NKAIN2: variants seen among roughly 807,000 people sequenced by gnomAD.
NKAIN2 encodes sodium/potassium-transporting ATPase subunit beta-1-interacting protein 2.
NKAIN2 carries 14 observed loss-of-function variants against 32.6 expected under a neutral mutation model. The observed-to-expected ratio is 0.43, with a 90% confidence interval of 0.28 to 0.67. The LOEUF is 0.67. NKAIN2 is among the 30% of genes least tolerant of loss of function. The probability of loss-of-function intolerance (pLI) is 0.17; values close to 1 mark genes in which losing one functional copy is unlikely to be tolerated. For synonymous variants in NKAIN2, 80 were observed against 87.2 expected (o/e 0.92, Z 0.46); for missense variants, 198 against 258.3 (o/e 0.77, Z 1.60).
chr6:124,591,131 A>G (rs1316692429), intron 3 of NKAIN2, among the ~76,000 whole-genome samples: 1 of 152,238 alleles, frequency 6.6e-6, no homozygotes, highest in Non-Finnish European at 1.5e-5. Context: ...AGGAAATTCT[A>G]GAGAAGTCAA....
chr6:123,898,917 C>A (rs1383058690), intron 1 of NKAIN2, among the ~76,000 whole-genome samples: 1 of 152,220 alleles, frequency 6.6e-6, no homozygotes, highest in Non-Finnish European at 1.5e-5. Flanking sequence ...CTTCTCTCAA[C>A]TGCCTTCATA....
intron 1 of NKAIN2, among the ~76,000 whole-genome samples, chr6:123,899,877 A>G (rs943399272): frequency 6.6e-6 from 1 of 152,090 alleles, no homozygotes; most frequent in African/African-American, 2.4e-5. Context: ...TCCCTTCAGT[A>G]TGAGTCCTGG....
At chr6:124,005,175 A>G (rs1002606366) in intron 1 of NKAIN2, among the ~76,000 whole-genome samples, 3 of 152,158 alleles carry the variant, frequency 2.0e-5, no homozygotes, top group Non-Finnish European at 4.4e-5. Context: ...CAGTGAGCCG[A>G]GATCTCGCCA....
At chr6:124,114,081 C>A (rs556217143) in intron 1 of NKAIN2, among the ~76,000 whole-genome samples, 1 of 152,234 alleles carries the variant, frequency 6.6e-6, no homozygotes, top group East Asian at 1.9e-4. Flanking sequence ...TCCAGTTTTT[C>A]AAAATGTTTG....
Position 123,825,908 on chromosome 6 carries a change from C to T in NKAIN2, c.54+21654C>T, listed in dbSNP as rs75096582. Among the ~76,000 whole-genome samples the T allele has an allele frequency of 7.0e-3, 1,066 of 152,218 alleles. 11 individuals are homozygous for T. The highest frequency in any genetic ancestry group is 0.025 in the African/African-American group (1,027 of 41,526). On this transcript the variant is annotated intron_variant, in intron 1 of 6. Transcript: ENST00000368417. ...ATGGTAACTCAAATCAGTCGAAGCA[C>T]TTTTCTGGAATACTTAGATTAAAAG...
At chr6:124,506,420 C>T (rs1778483131) in intron 3 of NKAIN2, among the ~76,000 whole-genome samples, 1 of 152,182 alleles carries the variant, frequency 6.6e-6, no homozygotes, top group Non-Finnish European at 1.5e-5. Flanking sequence ...CACCTTAAAA[C>T]GCAGTCTCTG....
chr6:124,801,699 G>A (rs1359307020), intron 5 of NKAIN2, among the ~76,000 whole-genome samples: 1 of 152,168 alleles, frequency 6.6e-6, no homozygotes, highest in Non-Finnish European at 1.5e-5. Flanking sequence ...AAATCTTGAT[G>A]AAAGTTCAGA....
intron 3 of NKAIN2, among the ~76,000 whole-genome samples, chr6:124,482,488 A>G (rs1777493035): frequency 6.6e-6 from 1 of 152,154 alleles, no homozygotes; most frequent in Admixed American, 6.6e-5. Context: ...TCTTCACCCT[A>G]TGTGAGTGTG....
At chr6:124,359,917 G>C (rs556071098) in intron 3 of NKAIN2, among the ~76,000 whole-genome samples, 1 of 152,244 alleles carries the variant, frequency 6.6e-6, no homozygotes, top group Admixed American at 6.5e-5. Flanking sequence ...TTTTGTCATA[G>C]ATAACTCTTA....
intron 3 of NKAIN2, among the ~76,000 whole-genome samples, chr6:124,637,082 A>G (rs1348257031): frequency 6.6e-6 from 1 of 152,134 alleles, no homozygotes; most frequent in East Asian, 1.9e-4. Context: ...GGAAATTTCA[A>G]CATATGTAGA....
At chr6:124,811,389 A>G (rs1172491398) in intron 5 of NKAIN2, among the ~76,000 whole-genome samples, 14 of 152,146 alleles carry the variant, frequency 9.2e-5, no homozygotes, top group Non-Finnish European at 1.5e-5. Context: ...GCCAACATGT[A>G]TTTAATAAAA....
rs1419173325 is a variant in NKAIN2 at position 124,573,934 on chromosome 6, A to G, written c.274-84252A>G. 3.9e-5 allele frequency among the ~76,000 whole-genome samples: 6 copies of G among 152,228 alleles called. No homozygotes were observed. In the East Asian group the frequency reaches 9.6e-4, roughly 24 times the overall value. On this transcript the variant is annotated intron_variant, in intron 3 of 6. Coordinates refer to ENST00000368417, the MANE Select transcript of NKAIN2 (RefSeq NM_001040214.3). ...AAGAAAGAGGCTTATTTGCTCTGCT[A>G]ACAGAGGCTTTTCCACTCATGTGCA...
intron 3 of NKAIN2, among the ~76,000 whole-genome samples, chr6:124,405,532 T>G (rs1773814012): frequency 6.8e-6 from 1 of 147,608 alleles, no homozygotes; most frequent in African/African-American, 2.5e-5. Flanking sequence ...AACCTTTTGT[T>G]TTGTCTTTTT....
intron 1 of NKAIN2, among the ~76,000 whole-genome samples, chr6:124,260,673 A>C (rs1794207621): frequency 6.6e-6 from 1 of 152,138 alleles, no homozygotes; most frequent in Non-Finnish European, 1.5e-5. Flanking sequence ...AAGCCACTGG[A>C]GAACATTTAG....
chr6:124,015,735 G>A (rs1350091640), intron 1 of NKAIN2, among the ~76,000 whole-genome samples: 1 of 152,148 alleles, frequency 6.6e-6, no homozygotes, highest in African/African-American at 2.4e-5. Context: ...AAGAAGTTCA[G>A]TTAGTTTTAC....
chr6:124,662,777 T>C (rs1393240277), intron 4 of NKAIN2, among the ~76,000 whole-genome samples: 1 of 152,264 alleles, frequency 6.6e-6, no homozygotes, highest in Non-Finnish European at 1.5e-5. Context: ...GTATGTTGTA[T>C]GCATGGGAGT....
intron 1 of NKAIN2, among the ~76,000 whole-genome samples, chr6:124,054,975 A>G (rs902935173): frequency 6.6e-6 from 1 of 152,086 alleles, no homozygotes; most frequent in African/African-American, 2.4e-5. Context: ...TCAAAGGTAA[A>G]TGATCTTTGT....
intron 3 of NKAIN2, among the ~76,000 whole-genome samples, chr6:124,466,093 G>A (rs1583294235): frequency 6.6e-6 from 1 of 151,680 alleles, no homozygotes; most frequent in Non-Finnish European, 1.5e-5. Context: ...TACACACAAC[G>A]TTTGGCTGAT....
At chr6:124,377,135 A>G (rs761266712) in intron 3 of NKAIN2, among the ~76,000 whole-genome samples, 18 of 152,232 alleles carry the variant, frequency 1.2e-4, no homozygotes, top group Non-Finnish European at 2.5e-4. Flanking sequence ...TAATATCACT[A>G]AAAATGGGTG....
Sources: gnomAD v4.1 joint callset for allele counts (sites outside exome capture counted in the v4.1 genomes callset) on GRCh38, gnomAD v4.1.1 for gene constraint, MANE v1.5 for transcripts, NCBI Gene and HGNC (gene_info 2026-07-23, HGNC 2026-07-21) for gene names.